KLHL1: variants seen among roughly 807,000 people sequenced by gnomAD.
KLHL1 encodes the protein kelch-like protein 1.
KLHL1 carries 47 observed loss-of-function variants against 77.7 expected under a neutral mutation model. That is an observed-to-expected ratio of 0.60 (90% CI 0.48 to 0.77). The LOEUF is 0.77. KLHL1 is among the 30% of genes least tolerant of loss of function. KLHL1 has a pLI of 0.00. For synonymous variants in KLHL1, 360 were observed against 325.2 expected (o/e 1.11, Z -1.15); for missense variants, 925 against 910.8 (o/e 1.02, Z -0.20).
At chr13:69,956,274 A>G (rs1883885976) in intron 3 of KLHL1, among the ~76,000 whole-genome samples, 1 of 150,078 alleles carries the variant, frequency 6.7e-6, no homozygotes, top group Non-Finnish European at 1.5e-5. Context: ...AAAGGTAAGG[A>G]ACATGTATAA....
At chr13:70,052,448 G>A (rs1260370852) in intron 1 of KLHL1, among the ~76,000 whole-genome samples, 1 of 151,430 alleles carries the variant, frequency 6.6e-6, no homozygotes, top group Non-Finnish European at 1.5e-5. Context: ...TGAACTACAA[G>A]AAAATTAAAA....
intron 5 of KLHL1, among the ~76,000 whole-genome samples, chr13:69,856,768 T>C (rs75072001): frequency 0.021 from 3,157 of 152,190 alleles, 108 homozygotes; most frequent in African/African-American, 0.071. Context: ...AATTAATTAA[T>C]TCCAGGAAAA....
At chr13:69,981,405 AAG>A (rs1289795222) in intron 1 of KLHL1, among the ~76,000 whole-genome samples, 1 of 152,028 alleles carries the variant, frequency 6.6e-6, no homozygotes, top group African/African-American at 2.4e-5. Flanking sequence ...TCTAAGTGAT[AAG>A]AGTTAGCTTT....
chr13:69,888,548 T>C (rs1881302513), intron 4 of KLHL1, among the ~76,000 whole-genome samples: 1 of 151,998 alleles, frequency 6.6e-6, no homozygotes, highest in Non-Finnish European at 1.5e-5. Context: ...CTATCTGAGA[T>C]AGAGGCAGAG....
chr13:70,011,524 T>C (rs975564692), intron 1 of KLHL1, among the ~76,000 whole-genome samples: 3 of 152,160 alleles, frequency 2.0e-5, no homozygotes, highest in South Asian at 2.1e-4. Flanking sequence ...GAAGAAAGAA[T>C]AAATGGAAAT....
chr13:69,937,277 AG>A (rs1484112677), intron 4 of KLHL1, among the ~76,000 whole-genome samples: 1 of 152,200 alleles, frequency 6.6e-6, no homozygotes, highest in Non-Finnish European at 1.5e-5. Flanking sequence ...GAATTGCATT[AG>A]TAAAATAAAT....
chr13:69,720,801 AG>A (rs1386568910), intron 8 of KLHL1, among the ~76,000 whole-genome samples: 1 of 151,198 alleles, frequency 6.6e-6, no homozygotes, highest in Admixed American at 6.6e-5. Context: ...GCTGGGGCAG[AG>A]GCTGAGGTGA....
chr13:69,881,603 T>C (rs1048880969), intron 5 of KLHL1, among the ~76,000 whole-genome samples: 2 of 152,152 alleles, frequency 1.3e-5, no homozygotes, highest in African/African-American at 4.8e-5. Flanking sequence ...AGTTTAAAGA[T>C]ACAAGACTCA....
Position 69,751,128 on chromosome 13 carries a change from G to A in KLHL1, c.1640-10572C>T, listed in dbSNP as rs925871161. ...CATGTGTGTATGTGTGTGTGTGTGT[G>A]TGTGTGTGTGTGTGTGTGTGTATCT... On this transcript the variant is annotated intron_variant, in intron 7 of 10. Coordinates refer to ENST00000377844, the MANE Select transcript of KLHL1 (RefSeq NM_020866.3). Among the ~76,000 whole-genome samples, 3 of 151,532 alleles carry A rather than the reference G, an allele frequency of 2.0e-5. No individual in the cohort carries two copies. The Admixed American group carries it at 2.0e-4, about 10-fold the overall frequency.
intron 4 of KLHL1, among the ~76,000 whole-genome samples, chr13:69,901,781 C>A (rs1290100680): frequency 3.8e-5 from 4 of 104,074 alleles, no homozygotes; most frequent in Non-Finnish European, 3.7e-5. Context: ...CATTTTCTTT[C>A]TTTTTCTTTT....
intron 4 of KLHL1, among the ~76,000 whole-genome samples, chr13:69,918,348 AAG>A (rs1051387844): frequency 3.9e-5 from 6 of 151,972 alleles, no homozygotes; most frequent in East Asian, 1.9e-4. Context: ...AAACATTACG[AAG>A]AGTGATTTTT....
chr13:69,721,083 CTATGTACCTCCCTT>C (rs1873037600), intron 8 of KLHL1, among the ~76,000 whole-genome samples: 21 of 24,568 alleles, frequency 8.5e-4, no homozygotes, highest in African/African-American at 1.7e-3. Context: ...ATATATAAAG[CTATGTACCTCCCTT>C]ACAAGGAATT....
At chr13:69,790,397 C>A (rs546562201) in intron 7 of KLHL1, among the ~76,000 whole-genome samples, 1 of 152,258 alleles carries the variant, frequency 6.6e-6, no homozygotes, top group Admixed American at 6.5e-5. Flanking sequence ...CAATCCACTA[C>A]AAAATATTCC....
chr13:70,050,958 C>A (rs1040577086), intron 1 of KLHL1, among the ~76,000 whole-genome samples: 1 of 151,878 alleles, frequency 6.6e-6, no homozygotes, highest in Non-Finnish European at 1.5e-5. Context: ...CTTTCTCTAA[C>A]TTCATACTTA....
intron 1 of KLHL1, among the ~76,000 whole-genome samples, chr13:70,093,705 T>C (rs1887722741): frequency 6.6e-6 from 1 of 152,204 alleles, no homozygotes; most frequent in Non-Finnish European, 1.5e-5. Context: ...AAGTATTTTA[T>C]GACTTTGTTT....
intron 1 of KLHL1, among the ~76,000 whole-genome samples, chr13:70,056,588 C>A (rs977304309): frequency 3.3e-5 from 5 of 152,074 alleles, no homozygotes; most frequent in African/African-American, 9.7e-5. Flanking sequence ...CAAAACAAAT[C>A]TTAAAACATT....
chr13:69,767,315 TAA>T (rs1051619679), intron 7 of KLHL1, among the ~76,000 whole-genome samples: 3 of 152,216 alleles, frequency 2.0e-5, no homozygotes, highest in African/African-American at 4.8e-5. Context: ...AGGAAAAACC[TAA>T]GTTTGTTATA....
At chr13:70,021,793 T>C (rs1203529436) in intron 1 of KLHL1, among the ~76,000 whole-genome samples, 3 of 152,042 alleles carry the variant, frequency 2.0e-5, no homozygotes, top group African/African-American at 7.2e-5. Flanking sequence ...TTTGGTGAGG[T>C]ATTTTTTAAG....
At position 69,771,278 on chromosome 13, in the gene KLHL1, A is replaced by AAG. The variant is rs199861631; in HGVS notation, c.1639+25459_1639+25460insCT. Among the ~76,000 whole-genome samples the AAG allele has an allele frequency of 7.7e-3, 895 of 116,182 alleles. 6 individuals carry two copies. Among genetic ancestry groups the AAG allele is most frequent in the African/African-American group, 0.03 (811 of 26,794 alleles). The allele number at this position is 116,182 out of a possible 152,430, so 76.2% of individuals were successfully genotyped here. On this transcript the variant is annotated intron_variant, in intron 7 of 10. Coordinates refer to ENST00000377844, the MANE Select transcript of KLHL1 (RefSeq NM_020866.3). ...CACCATGTGCCTTTAGCAACTTTCA[A>AAG]AAAAAAAAAAAAAACATGCTCTTCT...
Sources: allele counts gnomAD v4.1 joint callset (sites outside exome capture counted in the v4.1 genomes callset), GRCh38; gene constraint gnomAD v4.1.1; transcripts MANE v1.5; gene names NCBI Gene and HGNC (gene_info 2026-07-23, HGNC 2026-07-21).